MCC: variants seen among roughly 807,000 people sequenced by gnomAD.
MCC encodes MCC regulator of Wnt signaling pathway, also known as colorectal mutant cancer protein.
In MCC, 90 loss-of-function variants were observed where a neutral mutation model predicts 116.2. That is an observed-to-expected ratio of 0.77 (90% CI 0.65 to 0.92). The LOEUF is 0.92. MCC is among the 40% of genes least tolerant of loss of function. The probability of loss-of-function intolerance (pLI) is 0.00; values close to 1 mark genes in which losing one functional copy is unlikely to be tolerated. For missense variants in MCC, 1,516 were observed against 1,312.2 expected (o/e 1.16, Z -2.40); for synonymous variants, 578 against 510.5 (o/e 1.13, Z -1.78).
intron 5 of MCC, among the ~76,000 whole-genome samples, chr5:113,138,996 C>T (rs2150283233): frequency 6.6e-6 from 1 of 152,224 alleles, no homozygotes; most frequent in Admixed American, 6.5e-5. Context: ...GTTCACCAGA[C>T]CAGAGTTTGA....
At chr5:113,252,401 T>G (rs532988444) in intron 3 of MCC, among the ~76,000 whole-genome samples, 2 of 152,166 alleles carry the variant, frequency 1.3e-5, no homozygotes, top group African/African-American at 2.4e-5. Context: ...AGATCTTCAT[T>G]AGAGCATGAA....
intron 12 of MCC, 63 bp from the exon 13 acceptor site, chr5:113,068,246 C>A: frequency 2.3e-6 from 3 of 1,319,678 alleles, no homozygotes; most frequent in South Asian, 1.2e-5. Flanking sequence ...CAATGTGGCG[C>A]CGGTTTCTGT....
At chr5:113,386,939 G>A (rs1044186475) in intron 1 of MCC, among the ~76,000 whole-genome samples, 14 of 152,040 alleles carry the variant, frequency 9.2e-5, no homozygotes, top group Non-Finnish European at 1.6e-4. Context: ...TGTTATAAAA[G>A]TATACCCTTG....
At chr5:113,276,524 T>C (rs1486861988) in intron 3 of MCC, among the ~76,000 whole-genome samples, 2 of 152,224 alleles carry the variant, frequency 1.3e-5, no homozygotes, top group Non-Finnish European at 2.9e-5. Context: ...CACAAAGTTA[T>C]GTAGGTGTGC....
At chr5:113,389,761 A>G (rs1330563890) in intron 1 of MCC, among the ~76,000 whole-genome samples, 1 of 152,166 alleles carries the variant, frequency 6.6e-6, no homozygotes, top group Non-Finnish European at 1.5e-5. Flanking sequence ...ACCCCATCAC[A>G]TTTGTTTTGA....
chr5:113,116,626 G>A (rs1360011222), intron 6 of MCC, among the ~76,000 whole-genome samples: 3 of 152,128 alleles, frequency 2.0e-5, no homozygotes, highest in Non-Finnish European at 4.4e-5. Context: ...AGTCTCTTTT[G>A]GGGACTGAAA....
chr5:113,080,652 G>A (rs542566817), intron 11 of MCC, among the ~76,000 whole-genome samples: 13 of 152,232 alleles, frequency 8.5e-5, no homozygotes, highest in African/African-American at 3.1e-4. Flanking sequence ...GGGGCCTGTC[G>A]TGGGGTGGAG....
At chr5:113,447,287 TG>T (rs1299029763) in intron 1 of MCC, among the ~76,000 whole-genome samples, 1 of 152,184 alleles carries the variant, frequency 6.6e-6, no homozygotes, top group African/African-American at 2.4e-5. Context: ...TAGGAAGGGG[TG>T]GGTGGTCTCA....
intron 5 of MCC, among the ~76,000 whole-genome samples, chr5:113,136,025 A>T (rs553225162): frequency 6.6e-6 from 1 of 152,338 alleles, no homozygotes; most frequent in East Asian, 1.9e-4. Context: ...AGCCCAGGCA[A>T]CAAAGCAACA....
In MCC at chr5:113,085,298, G is replaced by A; in HGVS notation, c.1411C>T (p.Gln471Ter). 1 of 1,612,418 alleles carries A rather than the reference G, an allele frequency of 6.2e-7. No homozygotes were observed. Among genetic ancestry groups the A allele is most frequent in the Non-Finnish European group, 8.5e-7 (1 of 1,178,812 alleles). Residue 471 changes from glutamine (Q) to a stop codon, truncating the protein, a stop_gained, in exon 9 of 19, where the codon CAA becomes TAA. Transcript: ENST00000408903. LOFTEE classifies it high-confidence loss of function. ...GCCTGCACGCTCTGTAGTCGAGTTTGAAGCTCTCTGACCTGAAATCATAAT... is the reference window on the plus strand; with the variant it reads ...GCCTGCACGCTCTGTAGTCGAGTTTAAAGCTCTCTGACCTGAAATCATAAT... ...DRLRRRVREL[Q>*]TRLQSVQATG...
At chr5:113,141,075 G>C (rs11949661) in intron 5 of MCC, among the ~76,000 whole-genome samples, 7,627 of 152,200 alleles carry the variant, frequency 0.05, 658 homozygotes, top group African/African-American at 0.18. Flanking sequence ...AACTGGCTAG[G>C]GGTCTGGATA....
chr5:113,262,907 A>T (rs766010372), intron 3 of MCC, among the ~76,000 whole-genome samples: 9 of 152,130 alleles, frequency 5.9e-5, no homozygotes, highest in Non-Finnish European at 7.4e-5. Context: ...TAGCCTCAGC[A>T]ATGTGGAGGT....
chr5:113,138,948 G>C (rs566549063), intron 5 of MCC, among the ~76,000 whole-genome samples: 1 of 152,186 alleles, frequency 6.6e-6, no homozygotes, highest in South Asian at 2.1e-4. Flanking sequence ...AATTGGATGA[G>C]GCCATGATTA....
At chr5:113,219,586 A>G (rs1057447581) in intron 3 of MCC, among the ~76,000 whole-genome samples, 1 of 152,206 alleles carries the variant, frequency 6.6e-6, no homozygotes, top group Non-Finnish European at 1.5e-5. Flanking sequence ...TCATTGCTTT[A>G]AAATTTCAAT....
chr5:113,063,288 G>A (rs1484584184), intron 14 of MCC, among the ~76,000 whole-genome samples: 39 of 152,222 alleles, frequency 2.6e-4, no homozygotes, highest in Non-Finnish European at 1.2e-4. Context: ...GTTTTGTTCT[G>A]ACTCTCCACT....
At chr5:113,176,708 G>A (rs1469678395) in intron 3 of MCC, among the ~76,000 whole-genome samples, 2 of 152,254 alleles carry the variant, frequency 1.3e-5, no homozygotes, top group African/African-American at 2.4e-5. Context: ...ACAAATATGG[G>A]CCATGAGCCA....
At chr5:113,369,605 A>G (rs1053216209) in intron 2 of MCC, among the ~76,000 whole-genome samples, 1 of 151,982 alleles carries the variant, frequency 6.6e-6, no homozygotes, top group Admixed American at 6.6e-5. Flanking sequence ...ATTTTAGAGG[A>G]ATTCTTCAGA....
chr5:113,118,354 A>G (rs556030048), intron 6 of MCC, among the ~76,000 whole-genome samples: 26 of 152,076 alleles, frequency 1.7e-4, no homozygotes, highest in African/African-American at 6.3e-4. Context: ...GATAAGAGGT[A>G]ATTTTTTTAA....
chr5:113,232,684 T>C (rs1186940346), intron 3 of MCC, among the ~76,000 whole-genome samples: 1 of 152,184 alleles, frequency 6.6e-6, no homozygotes, highest in African/African-American at 2.4e-5. Flanking sequence ...AAAGGACCCA[T>C]TTGAACACAA....
Sources: allele counts gnomAD v4.1 joint callset (sites outside exome capture counted in the v4.1 genomes callset), GRCh38; gene constraint gnomAD v4.1.1; transcripts MANE v1.5; gene names NCBI Gene and HGNC (gene_info 2026-07-23, HGNC 2026-07-21).